Variants in BTBD9 observed in about 807,000 individuals in gnomAD.
BTBD9 encodes the protein BTB/POZ domain-containing protein 9.
BTBD9 carries 49 observed loss-of-function variants against 64.3 expected under a neutral mutation model. That is an observed-to-expected ratio of 0.76 (90% CI 0.61 to 0.97). The LOEUF is 0.97. Among genes scored for constraint, BTBD9 ranks in the 50% least tolerant of loss-of-function variants. BTBD9 has a pLI of 0.00. For missense variants in BTBD9, 598 were observed against 762.1 expected (o/e 0.78, Z 2.53); for synonymous variants, 260 against 274.7 (o/e 0.95, Z 0.53).
intron 6 of BTBD9, among the ~76,000 whole-genome samples, chr6:38,403,556 C>A (rs1005915514): frequency 4.6e-5 from 7 of 152,078 alleles, no homozygotes; most frequent in Admixed American, 1.3e-4. Flanking sequence ...TGGCTATAAT[C>A]AAAAATGTCT....
intron 10 of BTBD9, chr6:38,179,851 G>A (rs1470925881): frequency 2.2e-6 from 1 of 456,706 alleles, no homozygotes; most frequent in South Asian, 1.5e-5. Context: ...AGAGAGGAAG[G>A]TGTGCACAGG....
chr6:38,386,720 G>A (rs965418734), intron 6 of BTBD9, among the ~76,000 whole-genome samples: 1 of 137,374 alleles, frequency 7.3e-6, no homozygotes, highest in Non-Finnish European at 1.5e-5. Flanking sequence ...TTGGTGTTCT[G>A]CAACCTCTGC....
intron 9 of BTBD9, among the ~76,000 whole-genome samples, chr6:38,229,935 T>C (rs988639610): frequency 1.3e-5 from 2 of 151,860 alleles, no homozygotes; most frequent in Non-Finnish European, 2.9e-5. Context: ...ATAAAAAGAG[T>C]GAAATGTTCA....
intron 6 of BTBD9, among the ~76,000 whole-genome samples, chr6:38,399,783 C>T: frequency 6.6e-6 from 1 of 152,074 alleles, no homozygotes; most frequent in East Asian, 1.9e-4. Context: ...CAGAATTTCA[C>T]TCTTGTTGCC....
In BTBD9 at chr6:38,214,010, AAAT is replaced by A. The variant is rs3047750; in HGVS notation, c.1563-21416_1563-21414del. Among the ~76,000 whole-genome samples, 280 of 147,616 alleles carry A rather than the reference AAAT, an allele frequency of 1.9e-3. 2 individuals are homozygous for A. Among genetic ancestry groups the A allele is most frequent in the African/African-American group, 6.4e-3 (257 of 40,368 alleles). On this transcript the variant is annotated intron_variant, in intron 9 of 10. Coordinates refer to ENST00000481247, the MANE Select transcript of BTBD9 (RefSeq NM_001099272.2). Reference sequence around the variant, plus strand: ...GACTCCATCTCAAATAAACAAACAAAAATAATAATAATAATAATAATAATTTCT... The same window carrying A: ...GACTCCATCTCAAATAAACAAACAAAAATAATAATAATAATAATAATTTCT...
chr6:38,196,652 T>C (rs1762282460), intron 9 of BTBD9, among the ~76,000 whole-genome samples: 1 of 152,208 alleles, frequency 6.6e-6, no homozygotes, highest in African/African-American at 2.4e-5. Context: ...GTGCAAGATG[T>C]AGTGCCCCTT....
chr6:38,394,320 T>C (rs2127625759), intron 6 of BTBD9, among the ~76,000 whole-genome samples: 1 of 152,168 alleles, frequency 6.6e-6, no homozygotes, highest in Non-Finnish European at 1.5e-5. Context: ...GTGGGGGCTG[T>C]CCTGGTAAAA....
chr6:38,256,358 GGGAAGACTGTCTTTTCAATA>G (rs764788650), intron 9 of BTBD9, 31 bp downstream of exon 9: 1 of 1,384,638 alleles, frequency 7.2e-7, no homozygotes, highest in East Asian at 2.3e-5. Flanking sequence ...CCAATCCACT[GGGAAGACTGTCTTTTCAATA>G]GGAATAAATT....
chr6:38,535,197 G>A (rs1773969902), intron 6 of BTBD9, among the ~76,000 whole-genome samples: 1 of 151,978 alleles, frequency 6.6e-6, no homozygotes, highest in East Asian at 1.9e-4. Context: ...ACAAAAATCA[G>A]TTGCATTTCT....
At chr6:38,262,552 T>C (rs1404708277) in intron 8 of BTBD9, among the ~76,000 whole-genome samples, 2 of 152,148 alleles carry the variant, frequency 1.3e-5, no homozygotes, top group African/African-American at 4.8e-5. Context: ...ATACCATTGA[T>C]TACCAGGGGT....
At chr6:38,288,516 C>T in intron 7 of BTBD9, 55 bp from the exon 8 acceptor site, 1 of 1,435,868 alleles carries the variant, frequency 7.0e-7, no homozygotes, top group Non-Finnish European at 9.7e-7. Context: ...AAATATATCT[C>T]TATAGTGTGC....
intron 6 of BTBD9, among the ~76,000 whole-genome samples, chr6:38,557,656 A>G (rs1198527295): frequency 2.0e-5 from 3 of 152,228 alleles, no homozygotes; most frequent in African/African-American, 7.2e-5. Flanking sequence ...GTTTATAAAA[A>G]CAAGGTATTA....
chr6:38,339,271 CTAA>C (rs1764014847), intron 7 of BTBD9, among the ~76,000 whole-genome samples: 2 of 152,254 alleles, frequency 1.3e-5, no homozygotes, highest in African/African-American at 4.8e-5. Context: ...TATATCTATA[CTAA>C]TGAGGACCAT....
chr6:38,599,514 T>C (rs1253314934), intron 1 of BTBD9, among the ~76,000 whole-genome samples: 1 of 152,188 alleles, frequency 6.6e-6, no homozygotes. Flanking sequence ...TTGGCTAGCA[T>C]TCAGATGCCC....
chr6:38,334,236 T>G (rs1453051038), intron 7 of BTBD9, among the ~76,000 whole-genome samples: 1 of 152,172 alleles, frequency 6.6e-6, no homozygotes, highest in Non-Finnish European at 1.5e-5. Flanking sequence ...TATGCTCATA[T>G]GCATGAACAC....
At chr6:38,407,609 A>G (rs1767226755) in intron 6 of BTBD9, among the ~76,000 whole-genome samples, 1 of 152,210 alleles carries the variant, frequency 6.6e-6, no homozygotes, top group Non-Finnish European at 1.5e-5. Context: ...GCTAGACTTC[A>G]GTTCTAACTT....
intron 9 of BTBD9, among the ~76,000 whole-genome samples, chr6:38,253,912 A>G (rs541698900): frequency 6.6e-6 from 1 of 151,404 alleles, no homozygotes; most frequent in South Asian, 2.1e-4. Flanking sequence ...TGCTTCTGGA[A>G]GAAGAGGCTG....
chr6:38,291,449 A>C (rs963007557), intron 7 of BTBD9, among the ~76,000 whole-genome samples: 3 of 152,176 alleles, frequency 2.0e-5, no homozygotes, highest in African/African-American at 7.2e-5. Context: ...AACAGAGACA[A>C]TTTGACTTCC....
chr6:38,298,751 A>G (rs1462022254), intron 7 of BTBD9, among the ~76,000 whole-genome samples: 1 of 152,024 alleles, frequency 6.6e-6, no homozygotes, highest in East Asian at 1.9e-4. Context: ...GCTCCCAATT[A>G]TGAGTAACAA....
Sources: gnomAD v4.1 joint callset for allele counts (sites outside exome capture counted in the v4.1 genomes callset) on GRCh38, gnomAD v4.1.1 for gene constraint, MANE v1.5 for transcripts, NCBI Gene and HGNC (gene_info 2026-07-23, HGNC 2026-07-21) for gene names.